KEL: variants seen among roughly 807,000 people sequenced by gnomAD.
KEL encodes the protein kell blood group glycoprotein.
A neutral mutation model predicts 99.5 loss-of-function variants in KEL; 96 were observed. The observed-to-expected ratio is 0.97, with a 90% CI of 0.82 to 1.14. The LOEUF (loss-of-function observed/expected upper bound fraction) is 1.14, where lower values mean the gene tolerates loss of function less well. KEL is among the 50% of genes most tolerant of loss of function. The pLI, the probability that KEL is intolerant of heterozygous loss-of-function variation, is 0.00. For missense variants in KEL, 926 were observed against 924.2 expected (o/e 1.00, Z -0.03); for synonymous variants, 355 against 354.8 (o/e 1.00, Z -0.01).
chr7:142,960,257 T>C (rs1796924510), intron 4 of KEL, among the ~76,000 whole-genome samples: 1 of 152,182 alleles, frequency 6.6e-6, no homozygotes, highest in Non-Finnish European at 1.5e-5. Flanking sequence ...CCTACCCCTT[T>C]CATTCCACCA....
chr7:142,958,460 C>G, intron 4 of KEL, 32 bp from the exon 5 acceptor site: 3 of 1,611,162 alleles, frequency 1.9e-6, no homozygotes, highest in South Asian at 2.2e-5. Context: ...GAGGACTAAA[C>G]TCTGATTTTT....
chr7:142,944,590 A>G, intron 12 of KEL, 53 bp downstream of exon 12: 1 of 1,466,938 alleles, frequency 6.8e-7, no homozygotes, highest in Non-Finnish European at 9.5e-7. Flanking sequence ...CGCTTGTTCC[A>G]ATACTCCATT....
At chr7:142,946,715 A>T (rs1440306414) in intron 10 of KEL, 1 of 278,080 alleles carries the variant, frequency 3.6e-6, no homozygotes, top group Non-Finnish European at 6.9e-6. Context: ...TCCATCCTCC[A>T]TGCTTCTTTG....
Position 142,961,021 on chromosome 7 carries a change from A to G in KEL, c.307T>C (p.Phe103Leu), listed in dbSNP as rs752879612. The G allele has an allele frequency of 6.2e-7, 1 of 1,614,224 alleles. No homozygotes were observed. The highest frequency in any genetic ancestry group is 8.5e-7 in the Non-Finnish European group (1 of 1,180,046). ...GCCCTTCCACAGGCAAAGCTGAAGAAGTCGGTGCAGGGGGCCACACTTGTG... is the reference window on the plus strand; with the variant it reads ...GCCCTTCCACAGGCAAAGCTGAAGAGGTCGGTGCAGGGGGCCACACTTGTG... ...GNTSVAPCTD[F>L]FSFACGRAKE... The change falls in exon 4 of 19, where the codon TTC becomes CTC. Residue 103 changes from phenylalanine (F) to leucine (L), a missense_variant. Coordinates refer to ENST00000355265, the MANE Select transcript of KEL (RefSeq NM_000420.3).
At chr7:142,961,749 G>T in intron 2 of KEL, 46 bp downstream of exon 2, 1 of 1,508,994 alleles carries the variant, frequency 6.6e-7, no homozygotes. Flanking sequence ...AGAGCCGAGA[G>T]TGACAACATC....
chr7:142,949,298 TAGAG>T (rs1349560889), intron 10 of KEL, among the ~76,000 whole-genome samples: 1 of 152,226 alleles, frequency 6.6e-6, no homozygotes, highest in African/African-American at 2.4e-5. Flanking sequence ...GTGAATTAGA[TAGAG>T]AAACTGATGT....
chr7:142,947,137 C>T (rs8176015), intron 10 of KEL, among the ~76,000 whole-genome samples: 1,568 of 152,172 alleles, frequency 0.01, 12 homozygotes, highest in African/African-American at 0.028. Flanking sequence ...AGAGATGACA[C>T]GGTAAATGGA....
intron 6 of KEL, among the ~76,000 whole-genome samples, chr7:142,956,248 G>T (rs1796827308): frequency 6.6e-6 from 1 of 152,114 alleles, no homozygotes; most frequent in Admixed American, 6.5e-5. Context: ...CATCACTAGG[G>T]TGAAGTTGCC....
chr7:142,943,490 G>C lies in KEL; in HGVS notation c.1699C>G (p.Pro567Ala). 6.2e-7 allele frequency: 1 copy of C among 1,612,940 alleles called. No individual in the cohort carries two copies. Among genetic ancestry groups the C allele is most frequent in the Non-Finnish European group, 8.5e-7 (1 of 1,178,872 alleles). Reference protein sequence around the residue: ...LQPPFFHPGYPRAVNFGAAGS... With the variant: ...LQPPFFHPGYARAVNFGAAGS... ...CCCTTACAGAGTGACCCATACCTGG[G>C]ATAGCCAGGGTGGAAGAATGGGGGT... Residue 567 changes from proline (P) to alanine (A), a missense_variant, in exon 15 of 19, where the codon CCC becomes GCC. Coordinates refer to ENST00000355265, the MANE Select transcript of KEL (RefSeq NM_000420.3).
chr7:142,945,146 TCTC>T (rs1185372328), intron 11 of KEL, among the ~76,000 whole-genome samples: 3 of 152,126 alleles, frequency 2.0e-5, no homozygotes, highest in African/African-American at 7.2e-5. Context: ...GTCCACTCCC[TCTC>T]CTCATCCTCC....
intron 11 of KEL, chr7:142,944,964 G>C: frequency 1.6e-6 from 1 of 608,262 alleles, no homozygotes; most frequent in Non-Finnish European, 2.9e-6. Flanking sequence ...CCATCCGTGA[G>C]GGCCATCAGG....
chr7:142,962,012 C>T, intron 1 of KEL, 140 bp from the exon 2 acceptor site: 1 of 1,609,750 alleles, frequency 6.2e-7, no homozygotes, highest in Non-Finnish European at 8.5e-7. Context: ...GAGCAGTGTT[C>T]CCAGATGGGC....
At chr7:142,961,967 G>C (rs946029369) in intron 1 of KEL, 95 bp from the exon 2 acceptor site, 1 of 1,601,002 alleles carries the variant, frequency 6.2e-7, no homozygotes, top group African/African-American at 1.3e-5. Context: ...TACCCTCGCT[G>C]CCTGCCCTGC....
In KEL at chr7:142,962,338, C is replaced by T. The variant is rs957136305; in HGVS notation, c.-132G>A. The stretch of plus-strand genomic sequence containing the variant: ...AGAAGGGGCACTTCTGCTGCTCTTT[C>T]GCCTTGTCCCCAGACACACAGGACT... On this transcript the variant is annotated 5_prime_UTR_variant, in exon 1 of 19. Coordinates refer to ENST00000355265, the MANE Select transcript of KEL (RefSeq NM_000420.3). 1.6e-5 allele frequency: 17 copies of T among 1,045,188 alleles called. No homozygotes were observed. The highest frequency in any genetic ancestry group is 4.8e-5 in the East Asian group (2 of 41,318). 64.7% of individuals were successfully genotyped at this position (1,045,188 alleles called of 1,614,324 possible). A position where few individuals can be genotyped will look rare whatever the true frequency, so the allele number is the denominator to read the frequency against.
rs62470966 is a variant in KEL, at chr7:142,956,185, T to G, written c.672+1642A>C. Among the ~76,000 whole-genome samples the G allele has an allele frequency of 6.3e-3, 953 of 152,316 alleles. 7 individuals carry two copies. The highest frequency in any genetic ancestry group is 0.01 in the Non-Finnish European group (707 of 68,020). On this transcript the variant is annotated intron_variant, in intron 6 of 18. Transcript: ENST00000355265. ...GGGATCACTGTGTAATCCCCCACTT[T>G]CTTTCTTTATATCCAATCAGTCACC... is the stretch of plus-strand genomic sequence containing the variant.
At chr7:142,941,998 G>A (rs1293718122) in intron 18 of KEL, 4 of 178,182 alleles carry the variant, frequency 2.2e-5, no homozygotes, top group Admixed American at 1.1e-4. Context: ...TAGTAGAGAC[G>A]GGGTTTCACC....
Position 142,941,276 on chromosome 7 carries a change from G to A in KEL, c.2175C>T (p.Pro725=), listed in dbSNP as rs773975756. ...GTTACCAGAGCTGGCAGCGGCTGGA[G>A]GGGTTCAAGAGAGCACCACGTGCAC... is the stretch of plus-strand genomic sequence containing the variant. ...FRCARGALLN[P]SSRCQLW The change falls in exon 19 of 19, where the codon CCC becomes CCT. Residue 725 remains proline, a synonymous_variant. Coordinates refer to ENST00000355265, the MANE Select transcript of KEL (RefSeq NM_000420.3). 11 of 1,614,046 alleles carry A rather than the reference G, an allele frequency of 6.8e-6. No homozygotes were observed. The South Asian group carries it at 1.1e-4, about 16-fold the overall frequency.
intron 14 of KEL, 38 bp from the exon 15 acceptor site, chr7:142,943,634 C>G (rs747763862): frequency 6.7e-7 from 1 of 1,494,970 alleles, no homozygotes; most frequent in Non-Finnish European, 9.2e-7. Context: ...GCCCCCACCA[C>G]GTATTGCCCT....
In KEL at chr7:142,958,443, T is replaced by G. The variant is rs188381473; in HGVS notation, c.401-15A>C. 31 of 1,613,452 alleles carry G rather than the reference T, an allele frequency of 1.9e-5. No homozygotes were observed. In the East Asian group the frequency reaches 6.7e-4, roughly 35 times the overall value. ...ATTCTGGACCTCTAGAAAGGAAGCA[T>G]GGGAGTGAGGACTAAACTCTGATTT... On this transcript the variant is annotated splice_polypyrimidine_tract_variant and intron_variant, in intron 4 of 18. Transcript: ENST00000355265.
Sources: gnomAD v4.1 joint callset for allele counts (sites outside exome capture counted in the v4.1 genomes callset) on GRCh38, gnomAD v4.1.1 for gene constraint, MANE v1.5 for transcripts, NCBI Gene and HGNC (gene_info 2026-07-23, HGNC 2026-07-21) for gene names.